Variants in KCNJ3 observed in about 807,000 individuals in gnomAD.
The protein encoded by KCNJ3 is G protein-activated inward rectifier potassium channel 1.
In KCNJ3, 4 loss-of-function variants were observed where a neutral mutation model predicts 39.2. That is an observed-to-expected ratio of 0.10 (90% CI 0.05 to 0.23). KCNJ3 has a LOEUF of 0.23. Among genes scored for constraint, KCNJ3 ranks in the 10% least tolerant of loss-of-function variants. The pLI is 1.00. For synonymous variants in KCNJ3, 230 were observed against 237.4 expected (o/e 0.97, Z 0.29); for missense variants, 276 against 634.9 (o/e 0.43, Z 6.08).
chr2:154,728,693 G>A (rs1179876123), intron 2 of KCNJ3, among the ~76,000 whole-genome samples: 4 of 152,144 alleles, frequency 2.6e-5, no homozygotes, highest in Non-Finnish European at 5.9e-5. Context: ...GTATTTTGAG[G>A]AATAAGCATC....
chr2:154,745,431 A>C (rs913841157), intron 2 of KCNJ3, among the ~76,000 whole-genome samples: 2 of 152,098 alleles, frequency 1.3e-5, no homozygotes, highest in East Asian at 1.9e-4. Context: ...TAGGATTGCT[A>C]TATCTTCTTG....
intron 2 of KCNJ3, among the ~76,000 whole-genome samples, chr2:154,795,485 C>T (rs1317015766): frequency 6.6e-6 from 1 of 151,862 alleles, no homozygotes; most frequent in Non-Finnish European, 1.5e-5. Context: ...GATGTATTTT[C>T]CACAGTTTTA....
intron 2 of KCNJ3, among the ~76,000 whole-genome samples, chr2:154,809,405 T>C (rs1686970341): frequency 6.6e-6 from 1 of 152,146 alleles, no homozygotes; most frequent in South Asian, 2.1e-4. Flanking sequence ...AATAGGGCTG[T>C]GAAAATGAGT....
At chr2:154,734,821 T>A (rs754932736) in intron 2 of KCNJ3, among the ~76,000 whole-genome samples, 4 of 152,196 alleles carry the variant, frequency 2.6e-5, no homozygotes, top group Non-Finnish European at 5.9e-5. Flanking sequence ...AAAAGTGAGT[T>A]GTAATTATGG....
At chr2:154,751,072 C>T (rs1052069921) in intron 2 of KCNJ3, among the ~76,000 whole-genome samples, 1 of 151,514 alleles carries the variant, frequency 6.6e-6, no homozygotes, top group African/African-American at 2.4e-5. Flanking sequence ...GATGGGTGCA[C>T]CAAAATCTCA....
At chr2:154,784,050 T>G (rs1483828933) in intron 2 of KCNJ3, among the ~76,000 whole-genome samples, 1 of 152,136 alleles carries the variant, frequency 6.6e-6, no homozygotes, top group East Asian at 1.9e-4. Flanking sequence ...GGTGATAAAA[T>G]TTGAGGTTTA....
At chr2:154,832,443 C>T (rs1268628636) in intron 2 of KCNJ3, among the ~76,000 whole-genome samples, 1 of 152,126 alleles carries the variant, frequency 6.6e-6, no homozygotes, top group Non-Finnish European at 1.5e-5. Flanking sequence ...GTGATGGAAA[C>T]ATTTCTCTTT....
rs1215737330 is a variant in KCNJ3, at chr2:154,699,787, C to A, written c.702+310C>A. On this transcript the variant is annotated intron_variant, in intron 1 of 2. Coordinates refer to ENST00000295101, the MANE Select transcript of KCNJ3 (RefSeq NM_002239.4). This position sits in a 1 kb window ranked among gnomAD's most constrained non-coding sequence, Gnocchi z 6.4. ...CCATGAGGGCAATTAGTGCCCTGTT[C>A]GCCTTCCTGTCCCTGTTGCTTCGCT... 1.3e-5 allele frequency among the ~76,000 whole-genome samples: 2 copies of A among 152,128 alleles called. No homozygotes were observed. Among genetic ancestry groups the A allele is most frequent in the African/African-American group, 4.8e-5 (2 of 41,432 alleles).
chr2:154,777,896 A>G (rs1406277549), intron 2 of KCNJ3, among the ~76,000 whole-genome samples: 1 of 152,192 alleles, frequency 6.6e-6, no homozygotes, highest in African/African-American at 2.4e-5. Flanking sequence ...ACATGAACAC[A>G]TATATGGAGC....
At chr2:154,764,452 T>A (rs1208056997) in intron 2 of KCNJ3, among the ~76,000 whole-genome samples, 1 of 152,232 alleles carries the variant, frequency 6.6e-6, no homozygotes, top group African/African-American at 2.4e-5. Flanking sequence ...GAATACTACA[T>A]ACAGCCTGGC....
chr2:154,784,716 T>C (rs1686496672), intron 2 of KCNJ3, among the ~76,000 whole-genome samples: 1 of 152,150 alleles, frequency 6.6e-6, no homozygotes, highest in Non-Finnish European at 1.5e-5. Context: ...AAAGTGGTGT[T>C]TTGGTAACCC....
At chr2:154,719,027 T>G (rs971612404) in intron 2 of KCNJ3, among the ~76,000 whole-genome samples, 1 of 152,162 alleles carries the variant, frequency 6.6e-6, no homozygotes, top group Non-Finnish European at 1.5e-5. Flanking sequence ...CTGCACAATT[T>G]ACACTAATTC....
chr2:154,778,219 C>T (rs531680113), intron 2 of KCNJ3, among the ~76,000 whole-genome samples: 1 of 151,930 alleles, frequency 6.6e-6, no homozygotes, highest in South Asian at 2.1e-4. Flanking sequence ...AGTTTCACTA[C>T]TGAAACTCAT....
intron 2 of KCNJ3, among the ~76,000 whole-genome samples, chr2:154,803,001 G>C (rs1391912629): frequency 6.6e-6 from 1 of 151,994 alleles, no homozygotes; most frequent in African/African-American, 2.4e-5. Context: ...ATAATGTAAT[G>C]TAATTCCACT....
intron 2 of KCNJ3, among the ~76,000 whole-genome samples, chr2:154,718,439 T>C (rs1438208477): frequency 6.6e-6 from 1 of 152,174 alleles, no homozygotes; most frequent in Non-Finnish European, 1.5e-5. Flanking sequence ...CTGTCTTAGT[T>C]TGCCTGAGGC....
intron 2 of KCNJ3, among the ~76,000 whole-genome samples, chr2:154,724,859 A>G (rs1326373126): frequency 6.8e-6 from 1 of 146,436 alleles, no homozygotes; most frequent in Non-Finnish European, 1.5e-5. Context: ...ATTTATAAAT[A>G]TAAGAAAAAT....
At chr2:154,793,314 G>C (rs762877614) in intron 2 of KCNJ3, among the ~76,000 whole-genome samples, 1 of 151,908 alleles carries the variant, frequency 6.6e-6, no homozygotes, top group African/African-American at 2.4e-5. Context: ...ACTGATGACA[G>C]TGAATATTTT....
intron 2 of KCNJ3, among the ~76,000 whole-genome samples, chr2:154,796,674 A>G (rs1281970662): frequency 2.6e-5 from 4 of 152,082 alleles, no homozygotes; most frequent in Non-Finnish European, 4.4e-5. Context: ...AAAGTATGCT[A>G]TATAACAGAG....
chr2:154,839,646 T>C (rs936956033), intron 2 of KCNJ3, among the ~76,000 whole-genome samples: 3 of 152,244 alleles, frequency 2.0e-5, no homozygotes, highest in Non-Finnish European at 4.4e-5. Flanking sequence ...TGAGATGGTA[T>C]CTCATTGTGG....
Sources: allele counts gnomAD v4.1 joint callset (sites outside exome capture counted in the v4.1 genomes callset), GRCh38; gene constraint gnomAD v4.1.1; non-coding constraint Gnocchi (gnomAD v3.1); transcripts MANE v1.5; gene names NCBI Gene and HGNC (gene_info 2026-07-23, HGNC 2026-07-21).